Variants in LAMA5 observed in about 807,000 individuals in gnomAD.
LAMA5 encodes laminin subunit alpha-5.
A neutral mutation model predicts 433.4 loss-of-function variants in LAMA5; 260 were observed. The observed-to-expected ratio is 0.60, with a 90% CI of 0.54 to 0.66. LAMA5 has a LOEUF of 0.66. Ranked by LOEUF, LAMA5 falls within the 30% of genes least tolerant of loss-of-function variation. The pLI, the probability that LAMA5 is intolerant of heterozygous loss-of-function variation, is 0.00. For synonymous variants in LAMA5, 2,620 were observed against 2,226.6 expected (o/e 1.18, Z -4.97); for missense variants, 5,378 against 5,258.5 (o/e 1.02, Z -0.70).
chr20:62,330,022 C>T (rs924624066), intron 31 of LAMA5, 106 bp from the exon 32 acceptor site: 2 of 1,449,300 alleles, frequency 1.4e-6, no homozygotes, highest in Non-Finnish European at 1.8e-6. Flanking sequence ...TGCCCGCTGG[C>T]CAACGGCCAC....
chr20:62,357,434 C>T (rs1019202508), intron 2 of LAMA5, among the ~76,000 whole-genome samples: 2 of 152,144 alleles, frequency 1.3e-5, no homozygotes, highest in African/African-American at 4.8e-5. Flanking sequence ...AGCCCTTGCC[C>T]GCTCCTGCTG....
At chr20:62,347,509 C>A (rs1983577900) in intron 6 of LAMA5, among the ~76,000 whole-genome samples, 1 of 152,204 alleles carries the variant, frequency 6.6e-6, no homozygotes, top group Admixed American at 6.5e-5. Flanking sequence ...TTGCACCCCC[C>A]AAGGCTCAGA....
intron 3 of LAMA5, 64 bp from the exon 4 acceptor site, chr20:62,352,424 C>T (rs1984493352): frequency 7.5e-7 from 1 of 1,328,420 alleles, no homozygotes; most frequent in Non-Finnish European, 1.1e-6. Flanking sequence ...CCCGCGGTGC[C>T]CGGGCCCCTT....
chr20:62,363,128 G>T (rs1390278303), intron 1 of LAMA5, among the ~76,000 whole-genome samples: 1 of 152,196 alleles, frequency 6.6e-6, no homozygotes, highest in East Asian at 1.9e-4. Flanking sequence ...CGGGATCCAG[G>T]CGGCCAGACC....
chr20:62,309,630 G>GAGGAGGGTGGGAGGGGGCAGGGGC (rs1364056461), intron 79 of LAMA5, 86 bp downstream of exon 79: 1 of 431,062 alleles, frequency 2.3e-6, no homozygotes, highest in Non-Finnish European at 3.5e-6. Flanking sequence ...GGGGCAGGGG[G>GAGGAGGGTGGGAGGGGGCAGGGGC]TGGAGGGGTG....
chr20:62,323,671 C>G lies in LAMA5; in HGVS notation c.5850-1G>C. 6.2e-7 allele frequency: 1 copy of G among 1,606,050 alleles called. No individual in the cohort carries two copies. Among genetic ancestry groups the G allele is most frequent in the Non-Finnish European group, 8.5e-7 (1 of 1,176,162 alleles). On this transcript the variant is annotated splice_acceptor_variant, in intron 44 of 79. Coordinates refer to ENST00000252999, the MANE Select transcript of LAMA5 (RefSeq NM_005560.6). LOFTEE classifies it high-confidence loss of function. ...GTTCCCAAAGAATCCGGGCGCACAC[C>G]TGGGAGCAGGGTGGGGAGGGGCCGT... is the stretch of plus-strand genomic sequence containing the variant.
At chr20:62,317,092 T>G in intron 55 of LAMA5, 69 bp from the exon 56 acceptor site, 1 of 1,461,892 alleles carries the variant, frequency 6.8e-7, no homozygotes, top group Non-Finnish European at 9.0e-7. Flanking sequence ...TCCAGCCTCC[T>G]GCGCTCACAA....
At position 62,337,858 on chromosome 20, in the gene LAMA5, C is replaced by T. The variant is rs970078330; in HGVS notation, c.1972G>A (p.Gly658Ser). 2 of 1,612,748 alleles carry T rather than the reference C, an allele frequency of 1.2e-6. No homozygotes were observed. Among genetic ancestry groups the T allele is most frequent in the Admixed American group, 3.3e-5 (2 of 60,022 alleles). ...GLCRCRPGYT[G>S]TACQECSPGF... ...GGGCTGCATTCCTGGCAGGCAGTGC[C>T]TGTGTAGCCGGGGCGGCAGCGGCAC... is the stretch of plus-strand genomic sequence containing the variant. The change falls in exon 15 of 80, where the codon GGC (glycine) becomes AGC (serine). Residue 658 changes from glycine to serine, a missense_variant. Physicochemically the swap from Gly to Ser is moderately conservative, Grantham distance 56. Coordinates refer to ENST00000252999, the MANE Select transcript of LAMA5 (RefSeq NM_005560.6).
At position 62,312,289 on chromosome 20, in the gene LAMA5, G is replaced by A. The variant is rs201154340; in HGVS notation, c.9388C>T (p.His3130Tyr). ...LVGRAMTFHG[H>Y]GFLRLALSNV... is the part of the protein sequence containing the mutation. ...GAGAGCGCCAGGCGAAGGAAGCCGT[G>A]GCCATGGAAAGTCATGGCGCGCCCC... The change falls in exon 69 of 80, where the codon CAC becomes TAC. Residue 3130 changes from histidine to tyrosine, a missense_variant. Coordinates refer to ENST00000252999, the MANE Select transcript of LAMA5 (RefSeq NM_005560.6). The A allele has an allele frequency of 1.1e-4, 176 of 1,611,138 alleles. No individual in the cohort carries two copies. The highest frequency in any genetic ancestry group is 5.0e-4 in the Middle Eastern group (3 of 6,056).
chr20:62,338,212 C>T lies in LAMA5; in HGVS notation c.1756+20G>A, dbSNP rs750548718. The T allele has an allele frequency of 8.6e-5, 136 of 1,579,988 alleles. No individual in the cohort carries two copies. Among genetic ancestry groups the T allele is most frequent in the Middle Eastern group, 5.1e-4 (3 of 5,934 alleles). On this transcript the variant is annotated intron_variant, in intron 13 of 79. Coordinates refer to ENST00000252999, the MANE Select transcript of LAMA5 (RefSeq NM_005560.6). ...CACGGGCCTCCCCTACCCACGCCCACGTGGAGAGGCACCACTCACACTGGC... is the reference window on the plus strand; with the variant it reads ...CACGGGCCTCCCCTACCCACGCCCATGTGGAGAGGCACCACTCACACTGGC...
chr20:62,330,767 C>A lies in LAMA5; in HGVS notation c.3828G>T (p.Glu1276Asp), dbSNP rs1490034421. The A allele has an allele frequency of 6.4e-7, 1 of 1,562,984 alleles. No individual in the cohort carries two copies. Among genetic ancestry groups the A allele is most frequent in the African/African-American group, 1.4e-5 (1 of 73,824 alleles). Residue 1276 changes from glutamate (E) to aspartate (D), a missense_variant, in exon 30 of 80, where the codon GAG (glutamate) becomes GAT (aspartate). Transcript: ENST00000252999. ...CCTGGGGCTCACGCAGCAGGGTGGG[C>A]TCTGCATCAGGGTCCACAGCGGTGG... ...RPPTAVDPDA[E>D]PTLLREPQAT...
chr20:62,318,514 G>A lies in LAMA5; in HGVS notation c.7179C>T (p.Asp2393=), dbSNP rs148927246. 1,062 of 1,609,140 alleles carry A rather than the reference G, an allele frequency of 6.6e-4. 11 individuals carry two copies. The East Asian group carries it at 0.012, about 18-fold the overall frequency. ...DLREALNRAV[D]ATREAQELNS... ...TGAGCTCCTGGGCCTCCCGTGTGGC[G>A]TCCACTGCCCGGTTCAAAGCCTCTC... The change falls in exon 53 of 80, where the codon GAC becomes GAT. Residue 2393 remains aspartate (D), a synonymous_variant. Transcript: ENST00000252999.
rs991782633 is a variant in LAMA5 at position 62,353,452 on chromosome 20, C to T, written c.451-201G>A. On this transcript the variant is annotated intron_variant, in intron 2 of 79. Transcript: ENST00000252999. ...CTCCCCAGGGATGGAGATGAGCCCC[C>T]GGGAACCAGCCCTCCTGGAAGGGCT... The T allele has an allele frequency of 3.2e-5, 16 of 499,634 alleles. 1 individual carries two copies. In the South Asian group the frequency reaches 3.3e-4, roughly 10 times the overall value. The allele number at this position is 499,634 out of a possible 1,614,324, so 31.0% of individuals were successfully genotyped here. A position where few individuals can be genotyped will look rare whatever the true frequency, so the allele number is the denominator to read the frequency against.
Position 62,328,854 on chromosome 20 carries a change from G to A in LAMA5, c.4437C>T (p.Pro1479=), listed in dbSNP as rs778197146. ...SRCATGYWGF[P]NCRPCDCGAR... ...GACTGGGGTACTCACGCCTGCAGTTGGGGAAGCCCCAGTATCCGGTGGCAC... is the reference window on the plus strand; with the variant it reads ...GACTGGGGTACTCACGCCTGCAGTTAGGGAAGCCCCAGTATCCGGTGGCAC... The change falls in exon 34 of 80, where the codon CCC becomes CCT. Residue 1479 remains proline, a synonymous_variant. Transcript: ENST00000252999. 3 of 1,610,980 alleles carry A rather than the reference G, an allele frequency of 1.9e-6. No homozygotes were observed. Among genetic ancestry groups the A allele is most frequent in the Non-Finnish European group, 2.5e-6 (3 of 1,179,344 alleles).
chr20:62,325,042 G>A, intron 41 of LAMA5: 1 of 406,396 alleles, frequency 2.5e-6, no homozygotes. Context: ...CCAGTGGTGG[G>A]GGCTGGGGTA....
chr20:62,316,634 G>T, intron 57 of LAMA5, 37 bp downstream of exon 57: 1 of 1,458,550 alleles, frequency 6.9e-7, no homozygotes, highest in Non-Finnish European at 9.2e-7. Flanking sequence ...CAGATGCCCA[G>T]CAGGCCTAAG....
rs1258083611 is a variant in LAMA5 at position 62,333,967 on chromosome 20, C to G, written c.2812G>C (p.Gly938Arg). 1 of 1,612,884 alleles carries G rather than the reference C, an allele frequency of 6.2e-7. No individual in the cohort carries two copies. Among genetic ancestry groups the G allele is most frequent in the Non-Finnish European group, 8.5e-7 (1 of 1,179,858 alleles). Residue 938 changes from glycine to arginine, a missense_variant, in exon 23 of 80, where the codon GGG (glycine) becomes CGG (arginine). Coordinates refer to ENST00000252999, the MANE Select transcript of LAMA5 (RefSeq NM_005560.6). The stretch of plus-strand genomic sequence containing the variant: ...ACCCGCCCGCTCACACTCATGGCCC[C>G]CCGGTTGACGTATCGGAAGACGAGC... ...FWLVFRYVNR[G>R]AMSVSGRVSV...
In LAMA5 at chr20:62,347,001, G is replaced by C; in HGVS notation, c.984C>G (p.Thr328=). ...AGCAGCGGTCGCAGGTGCCCCCGCA[G>C]GTGTTGTGCTGGCAGGTGCACTGCA... ...FRLQCTCQHN[T]CGGTCDRCCP... is the part of the protein sequence containing the mutation. The change falls in exon 7 of 80, where the codon ACC becomes ACG. Residue 328 remains threonine, a synonymous_variant. Transcript: ENST00000252999. 1 of 1,612,084 alleles carries C rather than the reference G, an allele frequency of 6.2e-7. No individual in the cohort carries two copies. Among genetic ancestry groups the C allele is most frequent in the Middle Eastern group, 1.8e-4 (1 of 5,548 alleles).
chr20:62,334,456 CGGAGA>C, intron 21 of LAMA5, 61 bp downstream of exon 21: 1 of 1,514,494 alleles, frequency 6.6e-7, no homozygotes, highest in South Asian at 1.2e-5. Context: ...GTGAGGGACA[CGGAGA>C]GGCCCGGAGG....
Sources: gnomAD v4.1 joint callset for allele counts (sites outside exome capture counted in the v4.1 genomes callset) on GRCh38, gnomAD v4.1.1 for gene constraint, MANE v1.5 for transcripts, NCBI Gene and HGNC (gene_info 2026-07-23, HGNC 2026-07-21) for gene names.